The following DPH6 variants were observed in gnomAD, a reference collection of about 807,000 sequenced individuals.
DPH6 encodes diphthamine biosynthesis 6.
DPH6 carries 33 observed loss-of-function variants against 38.2 expected under a neutral mutation model. The observed-to-expected ratio is 0.86, with a 90% CI of 0.65 to 1.15. DPH6 has a LOEUF of 1.15. Ranked by LOEUF, DPH6 falls within the 50% of genes most tolerant of loss-of-function variation. DPH6 has a pLI of 0.00. For missense variants in DPH6, 325 were observed against 320.0 expected (o/e 1.02, Z -0.12); for synonymous variants, 108 against 103.0 (o/e 1.05, Z -0.30).
chr15:35,403,269 C>A (rs1270068152), intron 6 of DPH6, among the ~76,000 whole-genome samples: 2 of 151,828 alleles, frequency 1.3e-5, no homozygotes, highest in Admixed American at 6.6e-5. Context: ...TCAGCAATAG[C>A]TATTTTTATT....
At chr15:35,333,921 A>C (rs1236585363) in intron 3 of DPH6, among the ~76,000 whole-genome samples, 1 of 152,226 alleles carries the variant, frequency 6.6e-6, no homozygotes, top group African/African-American at 2.4e-5. Flanking sequence ...TGGTACATAT[A>C]CACCATGGAG....
rs191984066 is a variant in DPH6, at chr15:35,287,805, T to C, written n.201-67223A>G. Among the ~76,000 whole-genome samples the C allele has an allele frequency of 3.9e-4, 60 of 152,326 alleles. 1 individual carries two copies. The highest frequency in any genetic ancestry group is 1.3e-3 in the African/African-American group (54 of 41,562). On this transcript the variant is annotated intron_variant and non_coding_transcript_variant, in intron 3 of 3. Transcript: ENST00000560386. Reference sequence around the variant, plus strand: ...TTACTGAACTGCCGGCATTAATCTTTTGTTTGAAATGTATAAAGACAAATA... The same window carrying C: ...TTACTGAACTGCCGGCATTAATCTTCTGTTTGAAATGTATAAAGACAAATA...
At chr15:35,169,474 G>A in the DPH6 span, among the ~76,000 whole-genome samples, 40 of 152,094 alleles carry the variant, frequency 2.6e-4, no homozygotes, top group South Asian at 4.1e-4. Context: ...TTTATGAGCC[G>A]ATTTCAAAGT....
At chr15:35,485,027 C>G (rs899087930) in intron 3 of DPH6, among the ~76,000 whole-genome samples, 1 of 152,080 alleles carries the variant, frequency 6.6e-6, no homozygotes, top group African/African-American at 2.4e-5. Flanking sequence ...TTATTGACTA[C>G]TTACCACATC....
At chr15:35,278,007 G>A (rs1042611796) in intron 3 of DPH6, among the ~76,000 whole-genome samples, 4 of 152,146 alleles carry the variant, frequency 2.6e-5, no homozygotes, top group Non-Finnish European at 5.9e-5. Context: ...TGGTAGAAAA[G>A]GAATACAAGC....
chr15:35,360,800 G>C (rs1027146632), intron 3 of DPH6, among the ~76,000 whole-genome samples: 3 of 152,102 alleles, frequency 2.0e-5, no homozygotes, highest in Non-Finnish European at 4.4e-5. Flanking sequence ...TGGGTTGGCA[G>C]GACTGTCTCT....
the DPH6 span, among the ~76,000 whole-genome samples, chr15:35,151,257 T>C: frequency 6.6e-6 from 1 of 151,672 alleles, no homozygotes; most frequent in Non-Finnish European, 1.5e-5. Context: ...GTCTACAGTA[T>C]TGTTTTTAAA....
chr15:35,304,660 T>C (rs571027307), intron 3 of DPH6, among the ~76,000 whole-genome samples: 1 of 152,216 alleles, frequency 6.6e-6, no homozygotes, highest in South Asian at 2.1e-4. Context: ...ATACCCAGCA[T>C]TACTCCTGAT....
Position 35,526,272 on chromosome 15 carries a change from A to C in DPH6, c.312+12002T>G, listed in dbSNP as rs529021279. Among the ~76,000 whole-genome samples, 5 of 152,348 alleles carry C rather than the reference A, an allele frequency of 3.3e-5. No homozygotes were observed. The South Asian group carries it at 1.0e-3, about 32-fold the overall frequency. On this transcript the variant is annotated intron_variant, in intron 3 of 8. Transcript: ENST00000256538. ...GGGGCATTTCAATGGCTCCAAAACCAATCTTATAGTAGGGAGTACAGAAGA... is the reference window on the plus strand; with the variant it reads ...GGGGCATTTCAATGGCTCCAAAACCCATCTTATAGTAGGGAGTACAGAAGA...
intron 5 of DPH6, among the ~76,000 whole-genome samples, chr15:35,442,190 A>G (rs538491010): frequency 6.6e-6 from 1 of 152,332 alleles, no homozygotes; most frequent in African/African-American, 2.4e-5. Context: ...AATGCACTAA[A>G]GACAAATAAT....
chr15:35,210,253 T>A, the DPH6 span, among the ~76,000 whole-genome samples: 43 of 152,338 alleles, frequency 2.8e-4, no homozygotes, highest in Middle Eastern at 3.4e-3. Flanking sequence ...CCCGAGTTCT[T>A]ACTTAACTGG....
chr15:35,478,366 T>TACACACACACACAC (rs66521447), intron 3 of DPH6, among the ~76,000 whole-genome samples: 1 of 142,060 alleles, frequency 7.0e-6, no homozygotes, highest in Non-Finnish European at 1.5e-5. Flanking sequence ...TACCCACACA[T>TACACACACACACAC]ACACACACAC....
At chr15:35,457,751 T>C (rs576310758) in intron 3 of DPH6, among the ~76,000 whole-genome samples, 3 of 152,368 alleles carry the variant, frequency 2.0e-5, no homozygotes, top group African/African-American at 4.8e-5. Context: ...CTATGGAGAT[T>C]GAATAAAATA....
intron 3 of DPH6, among the ~76,000 whole-genome samples, chr15:35,309,536 C>T (rs537248542): frequency 1.4e-3 from 217 of 152,188 alleles, no homozygotes; most frequent in Non-Finnish European, 2.4e-3. Flanking sequence ...AGACAGAATT[C>T]ATAGTAACTG....
chr15:35,451,238 T>C (rs1021085785), intron 4 of DPH6, among the ~76,000 whole-genome samples: 2 of 152,114 alleles, frequency 1.3e-5, no homozygotes, highest in Non-Finnish European at 2.9e-5. Flanking sequence ...CTACTAACTT[T>C]GAATTTTTTT....
downstream of DPH6, among the ~76,000 whole-genome samples, chr15:35,368,792 TG>T (rs1056935195): frequency 1.3e-5 from 2 of 151,790 alleles, no homozygotes; most frequent in Non-Finnish European, 2.9e-5. Context: ...GTTCAAGTTT[TG>T]TACATAATGA....
At chr15:35,436,504 C>CAAAAAAACAAAAAA (rs371533654) in intron 5 of DPH6, among the ~76,000 whole-genome samples, 4 of 108,216 alleles carry the variant, frequency 3.7e-5, no homozygotes, top group Non-Finnish European at 6.9e-5. Flanking sequence ...CAAAACAAAA[C>CAAAAAAACAAAAAA]AAAACAAAAC....
At chr15:35,214,222 G>A (rs898566252), downstream of DPH6, among the ~76,000 whole-genome samples, 11 of 152,214 alleles carry the variant, frequency 7.2e-5, no homozygotes, top group African/African-American at 1.2e-4. Flanking sequence ...TACTACAGGC[G>A]GTGGTGTCCT....
At chr15:35,525,402 C>T (rs903624299) in intron 3 of DPH6, among the ~76,000 whole-genome samples, 11 of 152,074 alleles carry the variant, frequency 7.2e-5, no homozygotes, top group Non-Finnish European at 2.9e-5. Context: ...TTGAGAAATG[C>T]ACAGCATACT....
Sources: gnomAD v4.1 joint callset for allele counts (sites outside exome capture counted in the v4.1 genomes callset) on GRCh38, gnomAD v4.1.1 for gene constraint, MANE v1.5 for transcripts, NCBI Gene and HGNC (gene_info 2026-07-23, HGNC 2026-07-21) for gene names.